The following KCTD5 variants were observed in gnomAD, a reference collection of about 807,000 sequenced individuals.
The protein encoded by KCTD5 is BTB/POZ domain-containing protein KCTD5.
KCTD5 carries 12 observed loss-of-function variants against 27.9 expected under a neutral mutation model. The observed-to-expected ratio is 0.43, with a 90% CI of 0.28 to 0.70. KCTD5 has a LOEUF of 0.70. Among genes scored for constraint, KCTD5 ranks in the 30% least tolerant of loss-of-function variants. The pLI is 0.19. For synonymous variants in KCTD5, 147 were observed against 121.4 expected (o/e 1.21, Z -1.39); for missense variants, 226 against 274.8 (o/e 0.82, Z 1.26).
intron 1 of KCTD5, among the ~76,000 whole-genome samples, chr16:2,687,870 A>G (rs2142051979): frequency 6.6e-6 from 1 of 152,204 alleles, no homozygotes; most frequent in Middle Eastern, 3.4e-3. Flanking sequence ...CTCTCCCAGG[A>G]CATGCTTGTT....
At chr16:2,692,059 C>A (rs1252758142) in intron 1 of KCTD5, among the ~76,000 whole-genome samples, 1 of 152,182 alleles carries the variant, frequency 6.6e-6, no homozygotes, top group Non-Finnish European at 1.5e-5. Flanking sequence ...CTGGGCAGAG[C>A]CTAGCCACTG....
intron 1 of KCTD5, among the ~76,000 whole-genome samples, chr16:2,690,453 A>G (rs1241500718): frequency 1.3e-5 from 2 of 152,244 alleles, no homozygotes; most frequent in African/African-American, 4.8e-5. Flanking sequence ...AGTAGGTCAG[A>G]TGCCAATTCA....
chr16:2,691,083 C>G (rs749193489), intron 1 of KCTD5, among the ~76,000 whole-genome samples: 2 of 152,198 alleles, frequency 1.3e-5, no homozygotes, highest in Admixed American at 1.3e-4. Flanking sequence ...CTGGGAGCAC[C>G]AAGACCCTGC....
intron 1 of KCTD5, among the ~76,000 whole-genome samples, chr16:2,689,902 C>T (rs948652434): frequency 1.3e-5 from 2 of 152,214 alleles, no homozygotes; most frequent in African/African-American, 2.4e-5. Context: ...TGTTGAACTC[C>T]TCACCTCAGG....
intron 1 of KCTD5, among the ~76,000 whole-genome samples, chr16:2,688,243 A>ATATATTTATTTATT (rs1282831421): frequency 4.7e-5 from 3 of 64,266 alleles, no homozygotes; most frequent in African/African-American, 1.5e-4. Flanking sequence ...ATATATATAT[A>ATATATTTATTTATT]TATTTATTTA....
intron 4 of KCTD5, among the ~76,000 whole-genome samples, chr16:2,700,572 C>T (rs1321399560): frequency 1.3e-5 from 2 of 152,180 alleles, no homozygotes; most frequent in Non-Finnish European, 2.9e-5. Flanking sequence ...ACCTGGCTGC[C>T]ACTGTTCCTG....
At chr16:2,699,792 G>C (rs779694301) in intron 3 of KCTD5, 29 bp from the exon 4 acceptor site, 2 of 1,606,520 alleles carry the variant, frequency 1.2e-6, no homozygotes, top group Non-Finnish European at 1.7e-6. Flanking sequence ...TGGGTGGCCC[G>C]CCCTTACCTG....
At chr16:2,698,850 C>T (rs899921292) in intron 3 of KCTD5, among the ~76,000 whole-genome samples, 1 of 152,188 alleles carries the variant, frequency 6.6e-6, no homozygotes, top group African/African-American at 2.4e-5. Context: ...GTCCCGCGCC[C>T]CGGGTCACCT....
chr16:2,689,584 C>G (rs534336943), intron 1 of KCTD5, among the ~76,000 whole-genome samples: 145 of 148,782 alleles, frequency 9.7e-4, no homozygotes, highest in African/African-American at 3.4e-3. Context: ...GCTCTGGGAG[C>G]TGCGGGAGGG....
chr16:2,693,653 G>T (rs553092834), intron 1 of KCTD5, among the ~76,000 whole-genome samples: 1 of 152,328 alleles, frequency 6.6e-6, no homozygotes, highest in South Asian at 2.1e-4. Context: ...CAGGGCTGGG[G>T]TTGCCTCGTG....
chr16:2,699,733 T>C, intron 3 of KCTD5, 88 bp from the exon 4 acceptor site: 1 of 1,233,376 alleles, frequency 8.1e-7, no homozygotes, highest in East Asian at 2.3e-5. Flanking sequence ...AGAGTGGACC[T>C]CAGCCTCCCT....
chr16:2,700,262 T>C (rs557117099), intron 4 of KCTD5, among the ~76,000 whole-genome samples: 1 of 152,280 alleles, frequency 6.6e-6, no homozygotes, highest in South Asian at 2.1e-4. Context: ...TCCAGCGCAA[T>C]CCCCGTCCCC....
At chr16:2,687,914 A>G (rs1168925801) in intron 1 of KCTD5, among the ~76,000 whole-genome samples, 5 of 152,026 alleles carry the variant, frequency 3.3e-5, no homozygotes, top group Non-Finnish European at 7.4e-5. Flanking sequence ...TTCTCCATGG[A>G]CTGCAGAATG....
intron 3 of KCTD5, among the ~76,000 whole-genome samples, chr16:2,698,319 A>AGACCC (rs2067595621): frequency 6.6e-6 from 1 of 152,226 alleles, no homozygotes; most frequent in Non-Finnish European, 1.5e-5. Flanking sequence ...CCTGAGGTGG[A>AGACCC]TGGCATCTGG....
rs1183042615 is a variant in KCTD5 at position 2,707,646 on chromosome 16, G to A, written c.*319G>A. The A allele has an allele frequency of 3.4e-6, 2 of 595,122 alleles. No individual in the cohort carries two copies. Among genetic ancestry groups the A allele is most frequent in the Admixed American group, 6.0e-5 (2 of 33,578 alleles). The allele number at this position is 595,122 out of a possible 1,614,324, so 36.9% of individuals were successfully genotyped here. On this transcript the variant is annotated 3_prime_UTR_variant, in exon 6 of 6. Coordinates refer to ENST00000301738, the MANE Select transcript of KCTD5 (RefSeq NM_018992.4). ...CAGCCCGCTCGATCCTGAAGATCGT[G>A]TGAAGGAAGCGTTCTTGGTGCTACA...
rs75440502 is a variant in KCTD5 at position 2,698,445 on chromosome 16, C to T, written c.453+448C>T. 7.5e-3 allele frequency among the ~76,000 whole-genome samples: 1,142 copies of T among 152,334 alleles called. 13 individuals carry two copies. Among genetic ancestry groups the T allele is most frequent in the African/African-American group, 0.026 (1,087 of 41,568 alleles). The stretch of plus-strand genomic sequence containing the variant: ...ACCTTGGTTTTATTGGGAAGAGGGG[C>T]GGCTCGCCACAGACACACCTCTCAC... On this transcript the variant is annotated intron_variant, in intron 3 of 5. Transcript: ENST00000301738.
intron 5 of KCTD5, among the ~76,000 whole-genome samples, chr16:2,706,181 C>T (rs545373086): frequency 4.6e-5 from 7 of 152,218 alleles, no homozygotes; most frequent in Admixed American, 1.3e-4. Flanking sequence ...CGCCTGGGAA[C>T]GGCAGAGCTG....
intron 5 of KCTD5, among the ~76,000 whole-genome samples, chr16:2,704,405 G>A (rs374230094): frequency 4.6e-5 from 7 of 152,332 alleles, no homozygotes; most frequent in South Asian, 4.1e-4. Context: ...AGTCAGCGGC[G>A]GCGGGAGAGC....
Position 2,693,646 on chromosome 16 carries a change from G to A in KCTD5, c.253-2289G>A, listed in dbSNP as rs2067576779. On this transcript the variant is annotated intron_variant, in intron 1 of 5. Transcript: ENST00000301738. Reference sequence around the variant, plus strand: ...CCTGCCTTCATCCTTCCAGTTGCAGGGCTGGGGTTGCCTCGTGTGTCTGGG... The same window carrying A: ...CCTGCCTTCATCCTTCCAGTTGCAGAGCTGGGGTTGCCTCGTGTGTCTGGG... 2.0e-5 allele frequency among the ~76,000 whole-genome samples: 3 copies of A among 152,198 alleles called. No homozygotes were observed. In the South Asian group the frequency reaches 6.2e-4, roughly 32 times the overall value.
Sources: gnomAD v4.1 joint callset for allele counts (sites outside exome capture counted in the v4.1 genomes callset) on GRCh38, gnomAD v4.1.1 for gene constraint, MANE v1.5 for transcripts, NCBI Gene and HGNC (gene_info 2026-07-23, HGNC 2026-07-21) for gene names.